The following YTHDC2 variants were observed in gnomAD, a reference collection of about 807,000 sequenced individuals.
YTHDC2 encodes the protein 3'-5' RNA helicase YTHDC2.
In YTHDC2, 45 loss-of-function variants were observed where a neutral mutation model predicts 174.9. The ratio of observed to expected loss-of-function variants is 0.26; its 90% CI spans 0.20 to 0.33. The LOEUF is 0.33. Ranked by LOEUF, YTHDC2 falls within the 10% of genes least tolerant of loss-of-function variation. The pLI, the probability that YTHDC2 is intolerant of heterozygous loss-of-function variation, is 1.00. For synonymous variants in YTHDC2, 657 were observed against 574.5 expected (o/e 1.14, Z -2.05); for missense variants, 1,650 against 1,723.7 (o/e 0.96, Z 0.76).
intron 4 of YTHDC2, among the ~76,000 whole-genome samples, chr5:113,531,786 T>C (rs1013725317): frequency 6.6e-6 from 1 of 152,182 alleles, no homozygotes; most frequent in African/African-American, 2.4e-5. Context: ...AAAACAGTTA[T>C]ATTTTTTAAC....
intron 2 of YTHDC2, among the ~76,000 whole-genome samples, chr5:113,516,869 A>G (rs1773465926): frequency 6.6e-6 from 1 of 152,200 alleles, no homozygotes; most frequent in African/African-American, 2.4e-5. Context: ...TTACTGAGAC[A>G]CGGGATTTAG....
At chr5:113,589,408 A>AAAAAT (rs368975720) in intron 26 of YTHDC2, among the ~76,000 whole-genome samples, 31 of 123,242 alleles carry the variant, frequency 2.5e-4, no homozygotes, top group Middle Eastern at 4.3e-3. Flanking sequence ...AAAAAAAAAA[A>AAAAAT]ATATATATAT....
intron 3 of YTHDC2, among the ~76,000 whole-genome samples, chr5:113,526,098 A>G (rs1481138676): frequency 6.6e-6 from 1 of 152,080 alleles, no homozygotes; most frequent in Non-Finnish European, 1.5e-5. Flanking sequence ...AGCATTAAAC[A>G]TATATGGGAT....
intron 8 of YTHDC2, among the ~76,000 whole-genome samples, chr5:113,539,654 C>A (rs10063699): frequency 0.01 from 1,585 of 152,284 alleles, 16 homozygotes; most frequent in Non-Finnish European, 0.018. Flanking sequence ...CTTGTAATGA[C>A]ATATTTCAGC....
intron 26 of YTHDC2, among the ~76,000 whole-genome samples, chr5:113,586,688 A>G (rs1233901687): frequency 6.6e-6 from 1 of 150,964 alleles, no homozygotes; most frequent in East Asian, 1.9e-4. Context: ...CGTTTATAGT[A>G]TGGGTGAGTC....
intron 17 of YTHDC2, among the ~76,000 whole-genome samples, chr5:113,557,268 G>C (rs780149843): frequency 6.6e-6 from 1 of 152,144 alleles, no homozygotes; most frequent in Non-Finnish European, 1.5e-5. Context: ...ACATTAAAAA[G>C]TATCATTTTC....
At position 113,593,285 on chromosome 5, in the gene YTHDC2, G is replaced by C; in HGVS notation, c.4213-18G>C. 1 of 1,599,764 alleles carries C rather than the reference G, an allele frequency of 6.3e-7. No homozygotes were observed. Reference sequence around the variant, plus strand: ...CTCCAGTTCTTTTTATGTTTATTTTGACTTCTGATTTATCTAGGAACTAGA... The same window carrying C: ...CTCCAGTTCTTTTTATGTTTATTTTCACTTCTGATTTATCTAGGAACTAGA... On this transcript the variant is annotated intron_variant, in intron 28 of 29. Transcript: ENST00000161863.
chr5:113,518,274 C>A (rs189489085), intron 2 of YTHDC2, among the ~76,000 whole-genome samples: 27 of 149,762 alleles, frequency 1.8e-4, no homozygotes, highest in Non-Finnish European at 1.3e-4. Context: ...GCTCGCTGCT[C>A]ACTGCAGCCT....
intron 10 of YTHDC2, among the ~76,000 whole-genome samples, chr5:113,547,850 G>C (rs923949667): frequency 6.6e-6 from 1 of 152,022 alleles, no homozygotes; most frequent in Non-Finnish European, 1.5e-5. Flanking sequence ...TTACTGTTGA[G>C]GGTTTTTTAA....
chr5:113,584,469 C>T lies in YTHDC2; in HGVS notation c.3815C>T (p.Ser1272Phe). ...CCTTGTGCTAGTCCTTCTCCTCCAT[C>T]CTCAGGAAAGGTAAGAGTATCTGAA... is the stretch of plus-strand genomic sequence containing the variant. Reference protein sequence around the residue: ...PSPCASPSPPSSGKGSKSPSP... With the variant: ...PSPCASPSPPFSGKGSKSPSP... Residue 1272 changes from serine to phenylalanine, a missense_variant, in exon 26 of 30, where the codon TCC becomes TTC. By Grantham distance (155) the Ser-to-Phe change is radical (BLOSUM62 -2). Around this residue, in one of 5 missense-constraint regions of YTHDC2, gnomAD observed 913 missense variants for 940.4 expected, o/e 0.97. Coordinates refer to ENST00000161863, the MANE Select transcript of YTHDC2 (RefSeq NM_022828.5). 1 of 1,610,466 alleles carries T rather than the reference C, an allele frequency of 6.2e-7. No individual in the cohort carries two copies. Among genetic ancestry groups the T allele is most frequent in the Non-Finnish European group, 8.5e-7 (1 of 1,178,132 alleles).
intron 19 of YTHDC2, 70 bp from the exon 20 acceptor site, chr5:113,563,789 G>C: frequency 6.6e-7 from 1 of 1,519,888 alleles, no homozygotes; most frequent in Non-Finnish European, 9.0e-7. Flanking sequence ...CTCATTTAGG[G>C]GTTTTTAATT....
intron 12 of YTHDC2, among the ~76,000 whole-genome samples, chr5:113,549,972 A>G (rs780538300): frequency 6.6e-6 from 1 of 152,220 alleles, no homozygotes; most frequent in East Asian, 1.9e-4. Flanking sequence ...GAGTTACAAG[A>G]TAAAGTTTAG....
intron 23 of YTHDC2, among the ~76,000 whole-genome samples, chr5:113,575,176 A>C (rs1777965515): frequency 6.6e-6 from 1 of 152,190 alleles, no homozygotes; most frequent in African/African-American, 2.4e-5. Context: ...GTTTCTAATA[A>C]GCCATCTTGA....
intron 23 of YTHDC2, among the ~76,000 whole-genome samples, chr5:113,574,100 A>G (rs1236881269): frequency 1.3e-5 from 2 of 152,018 alleles, no homozygotes; most frequent in Non-Finnish European, 2.9e-5. Flanking sequence ...GGGCTTATCT[A>G]CCTTTGATCT....
At chr5:113,592,242 T>C in intron 28 of YTHDC2, 64 bp downstream of exon 28, 1 of 1,440,516 alleles carries the variant, frequency 6.9e-7, no homozygotes, top group Non-Finnish European at 9.3e-7. Flanking sequence ...TATCCAGTGC[T>C]TTAATTGAGG....
intron 4 of YTHDC2, among the ~76,000 whole-genome samples, chr5:113,529,613 G>A (rs1373894134): frequency 6.6e-6 from 1 of 151,918 alleles, no homozygotes; most frequent in Non-Finnish European, 1.5e-5. Flanking sequence ...CTTGCATTTT[G>A]TTGATTCTTA....
intron 4 of YTHDC2, among the ~76,000 whole-genome samples, chr5:113,528,202 G>A (rs1036061685): frequency 6.6e-6 from 1 of 152,088 alleles, no homozygotes; most frequent in African/African-American, 2.4e-5. Flanking sequence ...ATGGATGCCT[G>A]TTTTCAACAG....
intron 9 of YTHDC2, 85 bp from the exon 10 acceptor site, chr5:113,542,283 G>A: frequency 7.2e-7 from 1 of 1,382,922 alleles, no homozygotes; most frequent in Non-Finnish European, 1.0e-6. Flanking sequence ...TAGTAGTCCT[G>A]ATGGCCATTG....
rs2112618272 is a variant in YTHDC2, at chr5:113,541,067, A to C, written c.1310A>C (p.Asp437Ala). The C allele has an allele frequency of 6.2e-7, 1 of 1,614,204 alleles. No individual in the cohort carries two copies. The highest frequency in any genetic ancestry group is 8.5e-7 in the Non-Finnish European group (1 of 1,180,024). The change falls in exon 9 of 30, where the codon GAT becomes GCT. Residue 437 changes from aspartate to alanine, a missense_variant. By Grantham distance (126) the Asp-to-Ala change is moderately radical (BLOSUM62 -2). Transcript: ENST00000161863. ...QRQRTVLNVT[D>A]EYDLLDDGGD... ...CAGAGAACTGTTCTAAATGTGACTGATGAGTATGACTTACTGGATGATGGT... is the reference window on the plus strand; with the variant it reads ...CAGAGAACTGTTCTAAATGTGACTGCTGAGTATGACTTACTGGATGATGGT...
Sources: allele counts gnomAD v4.1 joint callset (sites outside exome capture counted in the v4.1 genomes callset), GRCh38; gene constraint gnomAD v4.1.1; regional missense constraint gnomAD v4.1.1; transcripts MANE v1.5; gene names NCBI Gene and HGNC (gene_info 2026-07-23, HGNC 2026-07-21).